The following PLB1 variants were observed in gnomAD, a reference collection of about 807,000 sequenced individuals.
The protein encoded by PLB1 is phospholipase B1.
PLB1 carries 242 observed loss-of-function variants against 227.4 expected under a neutral mutation model. The observed-to-expected ratio is 1.06, with a 90% CI of 0.96 to 1.18. The LOEUF is 1.18. Among genes scored for constraint, PLB1 ranks in the 50% most tolerant of loss-of-function variants. The pLI is 0.00. For missense variants in PLB1, 1,858 were observed against 1,816.3 expected, an observed-to-expected ratio of 1.02 and a Z score of -0.42; for synonymous variants, 757 against 682.2, an observed-to-expected ratio of 1.11 and a Z score of -1.71.
intron 8 of PLB1, among the ~76,000 whole-genome samples, chr2:28,530,596 A>G (rs1262719930): frequency 6.6e-6 from 1 of 152,244 alleles, no homozygotes; most frequent in Non-Finnish European, 1.5e-5. Context: ...CAGTTCGTAT[A>G]CTATTTACTC....
At chr2:28,554,518 T>TTTTTTTA (rs1674744531) in intron 17 of PLB1, among the ~76,000 whole-genome samples, 1 of 131,816 alleles carries the variant, frequency 7.6e-6, no homozygotes, top group East Asian at 2.2e-4. Context: ...TTTTTTTTTT[T>TTTTTTTA]AAGAGATGGG....
chr2:28,533,938 A>C (rs935284686), intron 9 of PLB1, among the ~76,000 whole-genome samples: 1 of 152,218 alleles, frequency 6.6e-6, no homozygotes, highest in African/African-American at 2.4e-5. Context: ...TAAAAACTAA[A>C]ACATCAGTTA....
rs1686491740 is a variant in PLB1 at position 28,618,375 on chromosome 2, G to A, written c.3291G>A (p.Val1097=). The A allele has an allele frequency of 6.2e-7, 1 of 1,614,136 alleles. No homozygotes were observed. Among genetic ancestry groups the A allele is most frequent in the Non-Finnish European group, 8.5e-7 (1 of 1,180,020 alleles). ...TCCGACCAGCAGACATCAAAGTGGT[G>A]GCCGCCCTGGGTGACTCTCTGACTG... ...HQLRPADIKV[V]AALGDSLTTA... Residue 1097 remains valine (V), a synonymous_variant, in exon 46 of 58, where the codon GTG becomes GTA. Transcript: ENST00000327757.
intron 51 of PLB1, among the ~76,000 whole-genome samples, chr2:28,627,608 C>T (rs1687984722): frequency 6.6e-6 from 1 of 152,218 alleles, no homozygotes; most frequent in Admixed American, 6.5e-5. Flanking sequence ...CTATCTTGTT[C>T]CTTTCCCCTT....
intron 21 of PLB1, among the ~76,000 whole-genome samples, chr2:28,575,955 T>C (rs1678855007): frequency 6.6e-6 from 1 of 152,188 alleles, no homozygotes; most frequent in African/African-American, 2.4e-5. Context: ...ATAATCTTGC[T>C]TTTTCCAAGC....
intron 46 of PLB1, among the ~76,000 whole-genome samples, chr2:28,619,359 G>T (rs1391704018): frequency 6.6e-6 from 1 of 152,174 alleles, no homozygotes; most frequent in Non-Finnish European, 1.5e-5. Flanking sequence ...AGGCACATAT[G>T]AGTCTGTTCA....
At chr2:28,545,695 C>T (rs1436341040) in intron 14 of PLB1, among the ~76,000 whole-genome samples, 1 of 152,176 alleles carries the variant, frequency 6.6e-6, no homozygotes, top group African/African-American at 2.4e-5. Context: ...TTGCATCCTC[C>T]AGGTGCGGGG....
At chr2:28,540,033 G>A (rs185204106) in intron 11 of PLB1, among the ~76,000 whole-genome samples, 1,409 of 101,416 alleles carry the variant, frequency 0.014, 14 homozygotes, top group Non-Finnish European at 0.019. Context: ...CCCAGGGAGA[G>A]CTTCCCTCCA....
intron 21 of PLB1, among the ~76,000 whole-genome samples, chr2:28,575,366 A>T (rs948534364): frequency 1.3e-5 from 2 of 151,822 alleles, no homozygotes; most frequent in Admixed American, 1.3e-4. Context: ...GATTATTTGG[A>T]TTTTTTAGAT....
intron 33 of PLB1, 191 bp downstream of exon 33, chr2:28,593,945 A>ATATT: frequency 7.4e-6 from 4 of 536,948 alleles, no homozygotes; most frequent in Non-Finnish European, 7.0e-6. Context: ...ACTGTTGATA[A>ATATT]TCTTTTTTTT....
chr2:28,638,919 C>T (rs1175627013), intron 56 of PLB1, among the ~76,000 whole-genome samples: 1 of 150,922 alleles, frequency 6.6e-6, no homozygotes, highest in East Asian at 1.9e-4. Context: ...AAAAATTATC[C>T]AGGCGTGGTG....
At chr2:28,549,405 ATTCT>A (rs1426211569) in intron 15 of PLB1, among the ~76,000 whole-genome samples, 1 of 73,454 alleles carries the variant, frequency 1.4e-5, no homozygotes, top group South Asian at 5.5e-4. Context: ...AATGAATGAG[ATTCT>A]TTCTTTTTTT....
At chr2:28,534,581 C>G (rs534661796) in intron 9 of PLB1, among the ~76,000 whole-genome samples, 1 of 152,280 alleles carries the variant, frequency 6.6e-6, no homozygotes, top group East Asian at 1.9e-4. Context: ...AAGAGCTGGG[C>G]GCGGTGGCTC....
At chr2:28,638,889 C>T (rs1018821548) in intron 56 of PLB1, among the ~76,000 whole-genome samples, 1 of 149,024 alleles carries the variant, frequency 6.7e-6, no homozygotes, top group African/African-American at 2.5e-5. Flanking sequence ...ATGGTGAAAC[C>T]CTGTCTCTAC....
chr2:28,532,639 G>A (rs556315962), intron 9 of PLB1, among the ~76,000 whole-genome samples: 52 of 152,226 alleles, frequency 3.4e-4, no homozygotes, highest in Admixed American at 1.7e-3. Context: ...CAGTCATTCC[G>A]CAACTGAGAA....
chr2:28,604,013 T>TCC lies in PLB1; in HGVS notation c.2822_2823insCC (p.Ala942GlnfsTer92). 6.2e-7 allele frequency: 1 copy of TCC among 1,614,190 alleles called. No individual in the cohort carries two copies. The highest frequency in any genetic ancestry group is 1.1e-5 in the South Asian group (1 of 91,092). ...ACCCTGCGGGAGAACTCCCAAGAGCTAGCCAGGCTGGAGGCCTTCAGCCGA... is the reference window on the plus strand; with the variant it reads ...ACCCTGCGGGAGAACTCCCAAGAGCTCCAGCCAGGCTGGAGGCCTTCAGCCGA... On this transcript the variant is annotated frameshift_variant, in exon 40 of 58. Coordinates refer to ENST00000327757, the MANE Select transcript of PLB1 (RefSeq NM_153021.5). LOFTEE classifies it high-confidence loss of function.
At chr2:28,531,509 C>T (rs1176409996) in intron 8 of PLB1, among the ~76,000 whole-genome samples, 1 of 152,180 alleles carries the variant, frequency 6.6e-6, no homozygotes, top group Non-Finnish European at 1.5e-5. Context: ...TGGGGTTTCT[C>T]CATGTTGGTC....
At chr2:28,589,799 C>T in intron 28 of PLB1, 29 bp downstream of exon 28, 1 of 1,590,750 alleles carries the variant, frequency 6.3e-7, no homozygotes, top group Non-Finnish European at 8.6e-7. Context: ...AAAATGCATC[C>T]TCCCTCTGGT....
chr2:28,593,566 T>C (rs1682367372), intron 32 of PLB1, 115 bp from the exon 33 acceptor site: 1 of 826,476 alleles, frequency 1.2e-6, no homozygotes, highest in African/African-American at 1.7e-5. Context: ...GTTCCATGTC[T>C]GCTCCTGCCA....
Sources: allele counts gnomAD v4.1 joint callset (sites outside exome capture counted in the v4.1 genomes callset), GRCh38; gene constraint gnomAD v4.1.1; transcripts MANE v1.5; gene names NCBI Gene and HGNC (gene_info 2026-07-23, HGNC 2026-07-21).